Variants in IQCM observed in about 807,000 individuals in gnomAD.
IQCM encodes IQ motif containing M.
Under a neutral mutation model 57.6 loss-of-function variants are expected in IQCM, and 45 were observed. That is an observed-to-expected ratio of 0.78 (90% CI 0.62 to 1.00). The LOEUF (loss-of-function observed/expected upper bound fraction) is 1.00. Ranked by LOEUF, IQCM falls within the 50% of genes least tolerant of loss-of-function variation. The probability of loss-of-function intolerance (pLI) is 0.00; values close to 1 mark genes in which losing one functional copy is unlikely to be tolerated. For synonymous variants in IQCM, 148 were observed against 158.9 expected (o/e 0.93, Z 0.51); for missense variants, 468 against 511.6 (o/e 0.91, Z 0.82).
At chr4:149,402,773 T>C (rs1413239683) in intron 13 of IQCM, among the ~76,000 whole-genome samples, 1 of 151,888 alleles carries the variant, frequency 6.6e-6, no homozygotes, top group African/African-American at 2.4e-5. Context: ...CTATTTAAAA[T>C]AAATTATGCC....
chr4:149,713,868 T>G (rs1764768936), intron 5 of IQCM, among the ~76,000 whole-genome samples: 1 of 152,120 alleles, frequency 6.6e-6, no homozygotes, highest in Admixed American at 6.5e-5. Flanking sequence ...ATTTTCCCTC[T>G]CCTCCTAATT....
intron 13 of IQCM, among the ~76,000 whole-genome samples, chr4:149,354,140 G>T (rs886503289): frequency 2.0e-5 from 3 of 151,352 alleles, no homozygotes; most frequent in African/African-American, 7.3e-5. Flanking sequence ...CGAGGCGGGT[G>T]GATCACGAGG....
chr4:149,361,503 C>T (rs1729483429), intron 13 of IQCM, among the ~76,000 whole-genome samples: 2 of 152,268 alleles, frequency 1.3e-5, no homozygotes, highest in Admixed American at 6.5e-5. Flanking sequence ...GGTCCCTGTG[C>T]TGTGTGCAGC....
At chr4:149,637,235 C>T (rs1243099444) in intron 7 of IQCM, among the ~76,000 whole-genome samples, 1 of 149,858 alleles carries the variant, frequency 6.7e-6, no homozygotes, top group Non-Finnish European at 1.5e-5. Context: ...TAATTGTAAT[C>T]TACATAGTAA....
intron 12 of IQCM, among the ~76,000 whole-genome samples, chr4:149,447,018 T>G (rs941107780): frequency 6.6e-6 from 1 of 151,474 alleles, no homozygotes; most frequent in African/African-American, 2.4e-5. Flanking sequence ...GGCCCTTCCT[T>G]TCCTGGAGAT....
intron 12 of IQCM, among the ~76,000 whole-genome samples, chr4:149,444,000 A>T (rs1008294739): frequency 6.6e-6 from 1 of 151,886 alleles, no homozygotes; most frequent in Admixed American, 6.6e-5. Flanking sequence ...CCTAATTTGT[A>T]AAAGTATTCA....
chr4:149,761,535 C>T (rs991898562), intron 2 of IQCM, among the ~76,000 whole-genome samples: 3 of 152,098 alleles, frequency 2.0e-5, no homozygotes, highest in African/African-American at 4.8e-5. Flanking sequence ...CTTTCTTCTC[C>T]TGTAAGAATC....
intron 12 of IQCM, among the ~76,000 whole-genome samples, chr4:149,534,448 C>T (rs1258044944): frequency 6.6e-6 from 1 of 152,104 alleles, no homozygotes; most frequent in African/African-American, 2.4e-5. Flanking sequence ...TCTGTGTTTA[C>T]TTCAAAAGAT....
At chr4:149,687,140 A>G (rs1995475) in intron 5 of IQCM, among the ~76,000 whole-genome samples, 29,981 of 151,540 alleles carry the variant, frequency 0.2, 3,414 homozygotes, top group South Asian at 0.34. Context: ...TATATTATTA[A>G]TAAAAGATAC....
At chr4:149,713,678 G>T (rs1480839572) in intron 5 of IQCM, among the ~76,000 whole-genome samples, 1 of 152,132 alleles carries the variant, frequency 6.6e-6, no homozygotes, top group Non-Finnish European at 1.5e-5. Flanking sequence ...TCTAAAGCCT[G>T]TGTCCTGAGA....
At chr4:149,451,907 T>C (rs1290337290) in intron 12 of IQCM, among the ~76,000 whole-genome samples, 4 of 151,706 alleles carry the variant, frequency 2.6e-5, no homozygotes, top group Non-Finnish European at 5.9e-5. Flanking sequence ...GCATCTATCT[T>C]AGAAGCGAAG....
chr4:149,811,599 T>C, intron 2 of IQCM, among the ~76,000 whole-genome samples: 1 of 152,176 alleles, frequency 6.6e-6, no homozygotes, highest in East Asian at 1.9e-4. Flanking sequence ...TTTTCCTCTC[T>C]TAGCTCCTGT....
At chr4:149,652,761 T>C (rs186778969) in intron 7 of IQCM, among the ~76,000 whole-genome samples, 6 of 151,942 alleles carry the variant, frequency 3.9e-5, no homozygotes, top group Admixed American at 3.3e-4. Flanking sequence ...ATGATAGACA[T>C]GGTAAACAGA....
At chr4:149,481,220 T>C (rs1233708484) in intron 12 of IQCM, among the ~76,000 whole-genome samples, 1 of 152,140 alleles carries the variant, frequency 6.6e-6, no homozygotes, top group Non-Finnish European at 1.5e-5. Flanking sequence ...TGCACTTTGT[T>C]GATTGTTTCC....
At chr4:149,411,797 C>G (rs762691197) in intron 13 of IQCM, among the ~76,000 whole-genome samples, 8 of 152,102 alleles carry the variant, frequency 5.3e-5, no homozygotes, top group Non-Finnish European at 1.2e-4. Flanking sequence ...CAACACAATA[C>G]TGTTTTATCA....
intron 12 of IQCM, among the ~76,000 whole-genome samples, chr4:149,452,641 A>C (rs990720906): frequency 6.6e-6 from 1 of 151,642 alleles, no homozygotes; most frequent in Admixed American, 6.6e-5. Flanking sequence ...GTGTATACAT[A>C]TTGTGCATAA....
chr4:149,641,486 T>A (rs1758188505), intron 7 of IQCM, among the ~76,000 whole-genome samples: 1 of 152,128 alleles, frequency 6.6e-6, no homozygotes, highest in African/African-American at 2.4e-5. Context: ...TTGGGGCAAT[T>A]AAAGATCATG....
chr4:149,806,777 C>T (rs1007862666), intron 2 of IQCM, among the ~76,000 whole-genome samples: 1 of 151,848 alleles, frequency 6.6e-6, no homozygotes, highest in Non-Finnish European at 1.5e-5. Context: ...AAAATCTATA[C>T]ATGTATCACA....
intron 2 of IQCM, among the ~76,000 whole-genome samples, chr4:149,800,422 C>T (rs574846223): frequency 2.0e-5 from 3 of 151,986 alleles, no homozygotes; most frequent in Non-Finnish European, 4.4e-5. Flanking sequence ...AAACCCTTTC[C>T]TCTAAAATCT....
Sources: allele counts gnomAD v4.1 joint callset (sites outside exome capture counted in the v4.1 genomes callset), GRCh38; gene constraint gnomAD v4.1.1; transcripts MANE v1.5; gene names NCBI Gene and HGNC (gene_info 2026-07-23, HGNC 2026-07-21).